The following CCBE1 variants were observed in gnomAD, a reference collection of about 807,000 sequenced individuals.
CCBE1 encodes the protein collagen and calcium binding EGF domains 1.
A neutral mutation model predicts 50.0 loss-of-function variants in CCBE1; 37 were observed. That is an observed-to-expected ratio of 0.74 (90% CI 0.57 to 0.97). The LOEUF is 0.97. CCBE1 is among the 50% of genes least tolerant of loss of function. CCBE1 has a pLI of 0.00. For missense variants in CCBE1, 538 were observed against 523.8 expected (o/e 1.03, Z -0.26); for synonymous variants, 234 against 203.7 (o/e 1.15, Z -1.27).
chr18:59,690,181 TAAGTACCCAAC>T (rs1467374354), intron 2 of CCBE1, among the ~76,000 whole-genome samples: 2 of 152,300 alleles, frequency 1.3e-5, no homozygotes, highest in Admixed American at 1.3e-4. Context: ...TGGCAGATTG[TAAGTACCCAAC>T]AAGTATTCGT....
Position 59,583,900 on chromosome 18 carries a change from T to G in CCBE1, c.213-103662A>C, listed in dbSNP as rs552871173. Among the ~76,000 whole-genome samples, 10 of 152,262 alleles carry G rather than the reference T, an allele frequency of 6.6e-5. No homozygotes were observed. In the South Asian group the frequency reaches 2.1e-3, roughly 32 times the overall value. The stretch of plus-strand genomic sequence containing the variant: ...AACAGCAACACTTTTACACTGCTGG[T>G]GGGACTGTAAACTAGTTCAACCATT... On this transcript the variant is annotated intron_variant, in intron 2 of 10. Transcript: ENST00000439986.
At chr18:59,642,115 T>C (rs1278748728) in intron 2 of CCBE1, among the ~76,000 whole-genome samples, 18 of 152,116 alleles carry the variant, frequency 1.2e-4, no homozygotes, top group Admixed American at 1.2e-3. Context: ...GCACATAACC[T>C]GACAAAGTAT....
At chr18:59,582,233 TCCC>T (rs2053095114) in intron 2 of CCBE1, among the ~76,000 whole-genome samples, 1 of 152,062 alleles carries the variant, frequency 6.6e-6, no homozygotes, top group Non-Finnish European at 1.5e-5. Flanking sequence ...CCGCCACCTC[TCCC>T]CCGTCAGTTA....
chr18:59,602,482 T>C (rs1039619735), intron 2 of CCBE1, among the ~76,000 whole-genome samples: 2 of 152,200 alleles, frequency 1.3e-5, no homozygotes, highest in Non-Finnish European at 1.5e-5. Flanking sequence ...AAATTCAATA[T>C]AAAACCATTG....
rs201547122 is a variant in CCBE1, at chr18:59,678,542, A to ATTTATG, written c.212+18086_212+18087insCATAAA. ...TTGCCTTTTATATTTAAAAAATTAT[A>ATTTATG]TGTATTTTGAGATGGAGTCTCACTC... On this transcript the variant is annotated intron_variant, in intron 2 of 10. Coordinates refer to ENST00000439986, the MANE Select transcript of CCBE1 (RefSeq NM_133459.4). Among the ~76,000 whole-genome samples, 983 of 152,072 alleles carry ATTTATG rather than the reference A, an allele frequency of 6.5e-3. 7 individuals carry two copies. The highest frequency in any genetic ancestry group is 0.031 in the Middle Eastern group (9 of 294).
chr18:59,590,530 C>T (rs1206793130), intron 2 of CCBE1, among the ~76,000 whole-genome samples: 2 of 151,968 alleles, frequency 1.3e-5, no homozygotes, highest in Non-Finnish European at 2.9e-5. Flanking sequence ...ATACCAACTC[C>T]ACATGGAAAA....
At chr18:59,475,010 C>A (rs1912239450) in intron 3 of CCBE1, among the ~76,000 whole-genome samples, 1 of 152,194 alleles carries the variant, frequency 6.6e-6, no homozygotes, top group Non-Finnish European at 1.5e-5. Flanking sequence ...CCAGCCTCCT[C>A]CTCCTGCCCT....
At chr18:59,584,244 G>C (rs11873995) in intron 2 of CCBE1, among the ~76,000 whole-genome samples, 3,782 of 150,480 alleles carry the variant, frequency 0.025, 170 homozygotes, top group African/African-American at 0.088. Flanking sequence ...GTAAACTATC[G>C]CAAGGACAAA....
At chr18:59,675,091 C>T (rs2054481886) in intron 2 of CCBE1, among the ~76,000 whole-genome samples, 1 of 151,962 alleles carries the variant, frequency 6.6e-6, no homozygotes. Flanking sequence ...AATACAACAC[C>T]CAAAGTTAAG....
chr18:59,518,644 GTGGA>G (rs1914474195), intron 2 of CCBE1, among the ~76,000 whole-genome samples: 1 of 152,164 alleles, frequency 6.6e-6, no homozygotes, highest in African/African-American at 2.4e-5. Flanking sequence ...CATGCGACAC[GTGGA>G]TGAAGTGGAC....
At chr18:59,658,879 CAAAAAA>C (rs61226521) in intron 2 of CCBE1, among the ~76,000 whole-genome samples, 5 of 54,754 alleles carry the variant, frequency 9.1e-5, no homozygotes, top group Non-Finnish European at 1.7e-4. Flanking sequence ...GACTCTGTCT[CAAAAAA>C]AAAAAAAAAA....
chr18:59,528,606 C>T (rs574212384), intron 2 of CCBE1, among the ~76,000 whole-genome samples: 5 of 152,200 alleles, frequency 3.3e-5, no homozygotes, highest in South Asian at 4.2e-4. Flanking sequence ...ATGAGTTCAT[C>T]GAGCTTTGAT....
At position 59,438,574 on chromosome 18, in the gene CCBE1, G is replaced by A. The variant is rs7239223; in HGVS notation, c.952-428C>T. On this transcript the variant is annotated intron_variant, in intron 9 of 10. Transcript: ENST00000439986. ...ATGGAAACACACAAAAAGCTATCCC[G>A]TAAAGCAACACTGGTTAAAGAGAAA... Among the ~76,000 whole-genome samples, 36 of 152,280 alleles carry A rather than the reference G, an allele frequency of 2.4e-4. 1 individual carries two copies. The highest frequency in any genetic ancestry group is 6.3e-4 in the African/African-American group (26 of 41,554).
chr18:59,631,029 G>A (rs1247024452), intron 2 of CCBE1, among the ~76,000 whole-genome samples: 1 of 152,110 alleles, frequency 6.6e-6, no homozygotes, highest in Admixed American at 6.6e-5. Flanking sequence ...TTTTGGAAAT[G>A]GTACTTCCAT....
chr18:59,620,850 C>T (rs147639403), intron 2 of CCBE1, among the ~76,000 whole-genome samples: 3 of 152,256 alleles, frequency 2.0e-5, no homozygotes, highest in African/African-American at 7.2e-5. Flanking sequence ...TCTTTATCAG[C>T]AATGTGAAAA....
At chr18:59,648,457 G>T (rs561806200) in intron 2 of CCBE1, among the ~76,000 whole-genome samples, 1 of 152,174 alleles carries the variant, frequency 6.6e-6, no homozygotes, top group Non-Finnish European at 1.5e-5. Context: ...TGTAGCCCCA[G>T]CATTTGGAAG....
intron 7 of CCBE1, among the ~76,000 whole-genome samples, chr18:59,443,288 G>A (rs1015426623): frequency 1.3e-5 from 2 of 152,126 alleles, no homozygotes; most frequent in African/African-American, 2.4e-5. Context: ...GGACTCTAGC[G>A]GACACCTTGC....
intron 2 of CCBE1, among the ~76,000 whole-genome samples, chr18:59,664,266 C>G (rs774465972): frequency 4.6e-5 from 7 of 152,100 alleles, no homozygotes; most frequent in Non-Finnish European, 8.8e-5. Context: ...ATCCCATCAC[C>G]TTAGAGGTTA....
intron 2 of CCBE1, among the ~76,000 whole-genome samples, chr18:59,531,163 T>C (rs1346138567): frequency 6.6e-6 from 1 of 152,176 alleles, no homozygotes; most frequent in Non-Finnish European, 1.5e-5. Context: ...CTGAATGATC[T>C]GATATTCCCC....
Sources: allele counts gnomAD v4.1 joint callset (sites outside exome capture counted in the v4.1 genomes callset), GRCh38; gene constraint gnomAD v4.1.1; transcripts MANE v1.5; gene names NCBI Gene and HGNC (gene_info 2026-07-23, HGNC 2026-07-21).